FASTKD1: variants seen among roughly 807,000 people sequenced by gnomAD.
The protein encoded by FASTKD1 is FAST kinase domains 1, also known as FAST kinase domain-containing protein 1, mitochondrial.
FASTKD1 carries 94 observed loss-of-function variants against 90.9 expected under a neutral mutation model. The observed-to-expected ratio is 1.03, with a 90% CI of 0.88 to 1.23. The LOEUF is 1.23. FASTKD1 is among the 50% of genes most tolerant of loss of function. FASTKD1 has a pLI of 0.00. For synonymous variants in FASTKD1, 319 were observed against 345.8 expected (o/e 0.92, Z 0.86); for missense variants, 945 against 993.5 (o/e 0.95, Z 0.66).
chr2:169,548,420 TAAAAAAAAA>T (rs35933613), intron 7 of FASTKD1, among the ~76,000 whole-genome samples: 1 of 142,880 alleles, frequency 7.0e-6, no homozygotes, highest in African/African-American at 2.6e-5. Context: ...CAATAATTGT[TAAAAAAAAA>T]AAAAAAAATT....
rs780177351 is a variant in FASTKD1, at chr2:169,569,238, G to A, written c.392C>T (p.Ala131Val). The A allele has an allele frequency of 5.6e-6, 9 of 1,613,846 alleles. No individual in the cohort carries two copies. The highest frequency in any genetic ancestry group is 1.7e-5 in the Admixed American group (1 of 60,006). Residue 131 changes from alanine to valine, a missense_variant, in exon 3 of 15, where the codon GCC (alanine) becomes GTC (valine). Coordinates refer to ENST00000453153, the MANE Select transcript of FASTKD1 (RefSeq NM_024622.6). Reference protein sequence around the residue: ...LYVTQQFAGEAHDPLVEALVT... With the variant: ...LYVTQQFAGEVHDPLVEALVT... ...TAGTGCTTCAACTAGCGGGTCATGGGCCTCACCAGCAAACCTTAATAAAAA... is the reference window on the plus strand; with the variant it reads ...TAGTGCTTCAACTAGCGGGTCATGGACCTCACCAGCAAACCTTAATAAAAA...
In FASTKD1 at chr2:169,555,267, AG is replaced by A; in HGVS notation, c.1083-13del. On this transcript the variant is annotated splice_polypyrimidine_tract_variant and intron_variant, in intron 6 of 14. Transcript: ENST00000453153. ...GAACTGAAGTAACTCTAAAAAGGAT[AG>A]AGCATATATTATAACCAGTTCATTC... 1 of 1,599,238 alleles carries A rather than the reference AG, an allele frequency of 6.3e-7. No individual in the cohort carries two copies. Among genetic ancestry groups the A allele is most frequent in the Non-Finnish European group, 8.5e-7 (1 of 1,171,724 alleles).
chr2:169,537,182 A>T (rs1459917327), intron 12 of FASTKD1, 45 bp downstream of exon 12: 3 of 1,114,070 alleles, frequency 2.7e-6, no homozygotes, highest in East Asian at 2.4e-5. Flanking sequence ...TATTCAAATT[A>T]GTTTGATTTT....
Position 169,571,880 on chromosome 2 carries a change from C to T in FASTKD1, c.150G>A (p.Glu50=). The change falls in exon 2 of 15, where the codon GAG becomes GAA. Residue 50 remains glutamate, a synonymous_variant. Transcript: ENST00000453153. ...TTCTTTCAATAAAACCAAACATTTG[C>T]TCCTCATCTGTACACTTATTCATCT... ...IIQMNKCTDE[E]QMFGFIERNK... 6.2e-7 allele frequency: 1 copy of T among 1,614,072 alleles called. No individual in the cohort carries two copies. Among genetic ancestry groups the T allele is most frequent in the Non-Finnish European group, 8.5e-7 (1 of 1,179,986 alleles).
At chr2:169,561,800 TTTA>T (rs1458586388) in intron 4 of FASTKD1, among the ~76,000 whole-genome samples, 245 of 132,122 alleles carry the variant, frequency 1.9e-3, no homozygotes, top group African/African-American at 5.6e-3. Context: ...TTGTAAATTA[TTTA>T]TTAATTTATT....
chr2:169,557,148 TGAC>T, intron 6 of FASTKD1, 36 bp downstream of exon 6: 1 of 1,312,552 alleles, frequency 7.6e-7, no homozygotes, highest in Non-Finnish European at 1.1e-6. Context: ...TGCTTGTGAA[TGAC>T]AACAAACTTA....
At position 169,542,849 on chromosome 2, in the gene FASTKD1, G is replaced by A. The variant is rs114605544; in HGVS notation, c.1816+1872C>T. Among the ~76,000 whole-genome samples the A allele has an allele frequency of 2.8e-3, 432 of 152,202 alleles. 4 individuals carry two copies. The highest frequency in any genetic ancestry group is 9.9e-3 in the African/African-American group (411 of 41,538). On this transcript the variant is annotated intron_variant, in intron 9 of 14. Transcript: ENST00000453153. ...TTAAAAAACAATCTGGCAAGACTCC[G>A]TCTCAAAAAGAAAACCAAAATCTAA...
At chr2:169,560,819 T>G (rs1574404110) in intron 4 of FASTKD1, 34 bp from the exon 5 acceptor site, 1 of 626,340 alleles carries the variant, frequency 1.6e-6, no homozygotes, top group Non-Finnish European at 2.6e-6. Context: ...GATTTTTACA[T>G]CAATTAAGAA....
intron 7 of FASTKD1, among the ~76,000 whole-genome samples, chr2:169,552,159 A>C (rs1479989314): frequency 1.3e-5 from 2 of 152,194 alleles, no homozygotes; most frequent in Non-Finnish European, 2.9e-5. Context: ...TTATATAACA[A>C]CACCAAACTT....
chr2:169,559,263 G>C (rs1156305847), intron 5 of FASTKD1, among the ~76,000 whole-genome samples: 1 of 151,702 alleles, frequency 6.6e-6, no homozygotes, highest in Admixed American at 6.6e-5. Flanking sequence ...ATGATCCACC[G>C]CACCCAGCCA....
At chr2:169,570,778 A>C (rs1051038349) in intron 2 of FASTKD1, among the ~76,000 whole-genome samples, 5 of 151,216 alleles carry the variant, frequency 3.3e-5, no homozygotes, top group Non-Finnish European at 5.9e-5. Flanking sequence ...TGAATTCAAG[A>C]GATTCTCCTG....
intron 6 of FASTKD1, among the ~76,000 whole-genome samples, chr2:169,556,782 G>A (rs1683339594): frequency 6.6e-6 from 1 of 152,164 alleles, no homozygotes; most frequent in African/African-American, 2.4e-5. Flanking sequence ...AGCCGAGATG[G>A]CACCACTGCA....
At chr2:169,532,467 G>A (rs1684534378) in intron 12 of FASTKD1, among the ~76,000 whole-genome samples, 1 of 150,486 alleles carries the variant, frequency 6.6e-6, no homozygotes, top group African/African-American at 2.4e-5. Context: ...CTCCTGAGAG[G>A]ATGCAGAAAG....
intron 7 of FASTKD1, among the ~76,000 whole-genome samples, chr2:169,554,382 C>T (rs6758553): frequency 0.016 from 2,358 of 146,600 alleles, 61 homozygotes; most frequent in African/African-American, 0.055. Context: ...AACACTTTTT[C>T]GCTGGGCATG....
At position 169,546,655 on chromosome 2, in the gene FASTKD1, C is replaced by A; in HGVS notation, c.1264G>T (p.Ala422Ser). The change falls in exon 8 of 15, where the codon GCT becomes TCT. Residue 422 changes from alanine to serine, a missense_variant. Physicochemically the swap from Ala to Ser is moderately conservative, Grantham distance 99. Coordinates refer to ENST00000453153, the MANE Select transcript of FASTKD1 (RefSeq NM_024622.6). ...TGAGGAGAAGGGAGCAGGGAAATAG[C>A]ACGGACCAGAACAGACACCTCAGTT... ...IPTEVSVLVR[A>S]ISLLPSPHLD... 6.2e-7 allele frequency: 1 copy of A among 1,614,096 alleles called. No homozygotes were observed. The highest frequency in any genetic ancestry group is 8.5e-7 in the Non-Finnish European group (1 of 1,180,004).
intron 12 of FASTKD1, among the ~76,000 whole-genome samples, chr2:169,535,753 AT>A (rs1476516948): frequency 6.6e-6 from 1 of 152,218 alleles, no homozygotes; most frequent in Non-Finnish European, 1.5e-5. Context: ...ACACACATCT[AT>A]CATCTGAATA....
chr2:169,536,719 A>G (rs1233045998), intron 12 of FASTKD1, among the ~76,000 whole-genome samples: 1 of 152,210 alleles, frequency 6.6e-6, no homozygotes, highest in Non-Finnish European at 1.5e-5. Context: ...GCTTTATGTG[A>G]TCCACAATTC....
chr2:169,567,080 G>A (rs1173109567), intron 3 of FASTKD1, among the ~76,000 whole-genome samples: 5 of 150,670 alleles, frequency 3.3e-5, no homozygotes, highest in Non-Finnish European at 5.9e-5. Context: ...ACACCACTAC[G>A]CTCCCGCCTG....
chr2:169,548,663 C>T (rs894616189), intron 7 of FASTKD1, among the ~76,000 whole-genome samples: 1 of 125,018 alleles, frequency 8.0e-6, no homozygotes, highest in East Asian at 2.8e-4. Flanking sequence ...ACCCGGGAGG[C>T]GGAGGTTGCA....
Sources: gnomAD v4.1 joint callset for allele counts (sites outside exome capture counted in the v4.1 genomes callset) on GRCh38, gnomAD v4.1.1 for gene constraint, MANE v1.5 for transcripts, NCBI Gene and HGNC (gene_info 2026-07-23, HGNC 2026-07-21) for gene names.